TRIM62: variants seen among roughly 807,000 people sequenced by gnomAD.
TRIM62 encodes the protein tripartite motif containing 62, also known as E3 ubiquitin-protein ligase TRIM62.
TRIM62 carries 39 observed loss-of-function variants against 44.2 expected under a neutral mutation model. The ratio of observed to expected loss-of-function variants is 0.88; its 90% CI spans 0.68 to 1.15. TRIM62 has a LOEUF of 1.15. TRIM62 is among the 50% of genes most tolerant of loss of function. TRIM62 has a pLI of 0.00. For synonymous variants in TRIM62, 278 were observed against 292.3 expected (o/e 0.95, Z 0.50); for missense variants, 544 against 665.5 (o/e 0.82, Z 2.01).
At chr1:33,160,067 G>T (rs1645243592) in intron 2 of TRIM62, 123 bp from the exon 3 acceptor site, 2 of 1,264,052 alleles carry the variant, frequency 1.6e-6, no homozygotes, top group Non-Finnish European at 2.2e-6. Flanking sequence ...CACGCGTGGT[G>T]GGGGAAATGT....
Position 33,148,455 on chromosome 1 carries a change from GA to G in TRIM62, c.878-729del, listed in dbSNP as rs1168887080. On this transcript the variant is annotated intron_variant, in intron 4 of 4. Coordinates refer to ENST00000291416, the MANE Select transcript of TRIM62 (RefSeq NM_018207.3). ...TCCCTAAGAACTGTTTGCTTTGTTGGAAAATACATCCCTAAGGGCAACACCA... is the reference window on the plus strand; with the variant it reads ...TCCCTAAGAACTGTTTGCTTTGTTGGAAATACATCCCTAAGGGCAACACCA... Among the ~76,000 whole-genome samples the G allele has an allele frequency of 2.0e-5, 3 of 152,174 alleles. No individual in the cohort carries two copies. The East Asian group carries it at 5.8e-4, about 29-fold the overall frequency.
intron 4 of TRIM62, among the ~76,000 whole-genome samples, chr1:33,156,257 A>T (rs1358482132): frequency 6.6e-6 from 1 of 152,200 alleles, no homozygotes; most frequent in Non-Finnish European, 1.5e-5. Context: ...CAGCACTGCC[A>T]CACTCTCTCT....
rs751643007 is a variant in TRIM62 at position 33,147,498 on chromosome 1, G to C, written c.1107C>G (p.His369Gln). The C allele has an allele frequency of 1.2e-6, 2 of 1,613,008 alleles. No homozygotes were observed. The highest frequency in any genetic ancestry group is 1.7e-6 in the Non-Finnish European group (2 of 1,179,846). The change falls in exon 5 of 5, where the codon CAC becomes CAG. Residue 369 changes from histidine (H) to glutamine (Q), a missense_variant. Coordinates refer to ENST00000291416, the MANE Select transcript of TRIM62 (RefSeq NM_018207.3). The surrounding 1 kb of genome is among the most constrained non-coding windows in gnomAD (Gnocchi z 8.1). The stretch of plus-strand genomic sequence containing the variant: ...TGCTGCCCTTGCGGCTTGCGGCTTC[G>C]TGTGCCAGCCCGATCACCCACTGGG... ...EKTQWVIGLA[H>Q]EAASRKGSIQ...
rs115222802 is a variant in TRIM62 at position 33,158,302 on chromosome 1, G to C, written c.828C>G (p.Gly276=). 3.1e-6 allele frequency: 5 copies of C among 1,614,082 alleles called. No individual in the cohort carries two copies. The highest frequency in any genetic ancestry group is 4.2e-6 in the Non-Finnish European group (5 of 1,179,934). Residue 276 remains glycine, a synonymous_variant, in exon 4 of 5, where the codon GGC becomes GGG. Transcript: ENST00000291416. ...YEDFPTSKYT[G]PLQYTIWKSL... is the part of the protein sequence containing the mutation. ...ACTTCCAGATGGTGTACTGCAGGGG[G>C]CCTGTGTACTTGGAGGTCGGGAAGT...
rs1275220550 is a variant in TRIM62, at chr1:33,177,280, A to C, written c.408+3745T>G. On this transcript the variant is annotated intron_variant, in intron 1 of 4. Coordinates refer to ENST00000291416, the MANE Select transcript of TRIM62 (RefSeq NM_018207.3). This position sits in a 1 kb window ranked among gnomAD's most constrained non-coding sequence, Gnocchi z 4.1. ...TTATGTTAATTTTATAATCAGAATA[A>C]AGACATTTAAAAATAGTTTTGGGGT... Among the ~76,000 whole-genome samples, 2 of 152,208 alleles carry C rather than the reference A, an allele frequency of 1.3e-5. No individual in the cohort carries two copies. The highest frequency in any genetic ancestry group is 2.9e-5 in the Non-Finnish European group (2 of 68,038).
rs993911419 is a variant in TRIM62 at position 33,159,355 on chromosome 1, A to G, written c.761+333T>C. Among the ~76,000 whole-genome samples, 2 of 152,178 alleles carry G rather than the reference A, an allele frequency of 1.3e-5. No individual in the cohort carries two copies. The highest frequency in any genetic ancestry group is 2.9e-5 in the Non-Finnish European group (2 of 68,034). On this transcript the variant is annotated intron_variant, in intron 3 of 4. Transcript: ENST00000291416. This position sits in a 1 kb window ranked among gnomAD's most constrained non-coding sequence, Gnocchi z 4.2. ...CTATAATGTATACAGAATATATTAC[A>G]TATATAATAATGTAAATATATGAAG...
At position 33,181,448 on chromosome 1, in the gene TRIM62, A is replaced by G; in HGVS notation, c.-16T>C. ...TGCACGCCATGGCGCCAGGGGCAGC[A>G]GAGAGGGGGGCCCGAGGGGCAGGGG... On this transcript the variant is annotated 5_prime_UTR_variant, in exon 1 of 5. Transcript: ENST00000291416. This position sits in a 1 kb window ranked among gnomAD's most constrained non-coding sequence, Gnocchi z 6.5. 6.3e-7 allele frequency: 1 copy of G among 1,581,642 alleles called. No homozygotes were observed. Among genetic ancestry groups the G allele is most frequent in the Non-Finnish European group, 8.5e-7 (1 of 1,170,444 alleles).
chr1:33,172,221 T>C (rs1645380181), intron 1 of TRIM62, among the ~76,000 whole-genome samples: 2 of 152,334 alleles, frequency 1.3e-5, no homozygotes, highest in South Asian at 2.1e-4. Flanking sequence ...AGTAACTATA[T>C]GTAAAGTTGG....
rs1645317085 is a variant in TRIM62, at chr1:33,165,347, G to C, written c.504+124C>G. 1.2e-6 allele frequency: 1 copy of C among 860,766 alleles called. No homozygotes were observed. Among genetic ancestry groups the C allele is most frequent in the Non-Finnish European group, 1.8e-6 (1 of 571,212 alleles). 53.3% of individuals were successfully genotyped at this position (860,766 alleles called of 1,614,324 possible). A position where few individuals can be genotyped will look rare whatever the true frequency, so the allele number is the denominator to read the frequency against. The stretch of plus-strand genomic sequence containing the variant: ...CCCTGCCCTTCTCACTCCAGGTTTG[G>C]CTCCTTGAAGCCAGGTTTCCACCGC... On this transcript the variant is annotated intron_variant, in intron 2 of 4. Coordinates refer to ENST00000291416, the MANE Select transcript of TRIM62 (RefSeq NM_018207.3). The surrounding 1 kb of genome is among the most constrained non-coding windows in gnomAD (Gnocchi z 4.0).
Position 33,181,302 on chromosome 1 carries a change from G to C in TRIM62, c.131C>G (p.Ala44Gly). The C allele has an allele frequency of 6.4e-7, 1 of 1,555,638 alleles. No homozygotes were observed. The highest frequency in any genetic ancestry group is 1.2e-5 in the South Asian group (1 of 85,670). ...CITEHWVRQE[A>G]QGARDCPECR... ...CTCGGGGCAGTCGCGGGCGCCCTGC[G>C]CCTCCTGCCGCACCCAGTGCTCCGT... Residue 44 changes from alanine to glycine, a missense_variant, in exon 1 of 5, where the codon GCG becomes GGG. Ala to Gly is a moderately conservative substitution (Grantham distance 60, BLOSUM62 0). Transcript: ENST00000291416. The surrounding 1 kb of genome is among the most constrained non-coding windows in gnomAD (Gnocchi z 6.5).
At position 33,181,211 on chromosome 1, in the gene TRIM62, G is replaced by T; in HGVS notation, c.222C>A (p.Arg74=). 1 of 1,581,250 alleles carries T rather than the reference G, an allele frequency of 6.3e-7. No homozygotes were observed. The change falls in exon 1 of 5, where the codon CGC becomes CGA. Residue 74 remains arginine, a synonymous_variant. Coordinates refer to ENST00000291416, the MANE Select transcript of TRIM62 (RefSeq NM_018207.3). The surrounding 1 kb of genome is among the most constrained non-coding windows in gnomAD (Gnocchi z 6.5). ...PSLKLANIVE[R]YSSFPLDAIL... is the part of the protein sequence containing the mutation. The stretch of plus-strand genomic sequence containing the variant: ...TGGCGTCCAGCGGGAAGGAGCTGTA[G>T]CGCTCCACGATGTTGGCCAGCTTGA...
intron 1 of TRIM62, among the ~76,000 whole-genome samples, chr1:33,170,188 G>A (rs985552572): frequency 6.6e-6 from 1 of 151,926 alleles, no homozygotes; most frequent in African/African-American, 2.4e-5. Context: ...AAATTAGCCA[G>A]GCATGGTGGT....
At chr1:33,175,332 G>A (rs1431299737) in intron 1 of TRIM62, among the ~76,000 whole-genome samples, 2 of 151,958 alleles carry the variant, frequency 1.3e-5, no homozygotes, top group African/African-American at 4.8e-5. Context: ...GTGGGCCACT[G>A]CGCCCAGCCC....
Position 33,167,368 on chromosome 1 carries a change from G to T in TRIM62, c.409-1802C>A, listed in dbSNP as rs1031505189. ...GCTTGTTCCCTGCCTTATGCCCAGG[G>T]ACTCAGTGATTATTTGTCAAGTGAT... On this transcript the variant is annotated intron_variant, in intron 1 of 4. Coordinates refer to ENST00000291416, the MANE Select transcript of TRIM62 (RefSeq NM_018207.3). The surrounding 1 kb of genome is among the most constrained non-coding windows in gnomAD (Gnocchi z 4.2). 5.3e-5 allele frequency among the ~76,000 whole-genome samples: 8 copies of T among 152,192 alleles called. No individual in the cohort carries two copies.
rs1329575751 is a variant in TRIM62, at chr1:33,165,435, CT to C, written c.504+35del. 6.5e-7 allele frequency: 1 copy of C among 1,537,070 alleles called. No homozygotes were observed. Among genetic ancestry groups the C allele is most frequent in the East Asian group, 2.4e-5 (1 of 41,074 alleles). The stretch of plus-strand genomic sequence containing the variant: ...GCCCCTCGAAGCCCTGCCCTCATCT[CT>C]GCCGGCCCCACCTCCGCGCCCCGGC... On this transcript the variant is annotated intron_variant, in intron 2 of 4. Coordinates refer to ENST00000291416, the MANE Select transcript of TRIM62 (RefSeq NM_018207.3). The surrounding 1 kb of genome is among the most constrained non-coding windows in gnomAD (Gnocchi z 4.0).
At chr1:33,171,402 T>A (rs1645373964) in intron 1 of TRIM62, among the ~76,000 whole-genome samples, 2 of 152,120 alleles carry the variant, frequency 1.3e-5, no homozygotes, top group African/African-American at 4.8e-5. Flanking sequence ...AGGGGGAAAT[T>A]GAGGCTCAGT....
At chr1:33,173,526 C>A (rs1226999718) in intron 1 of TRIM62, among the ~76,000 whole-genome samples, 1 of 152,136 alleles carries the variant, frequency 6.6e-6, no homozygotes, top group African/African-American at 2.4e-5. Context: ...CTTACCTCCT[C>A]CTGCCACACC....
At chr1:33,148,474 C>T (rs1645050207) in intron 4 of TRIM62, among the ~76,000 whole-genome samples, 1 of 152,128 alleles carries the variant, frequency 6.6e-6, no homozygotes, top group South Asian at 2.1e-4. Context: ...TCCCTAAGGG[C>T]AACACCACTG....
At chr1:33,175,610 G>A (rs1645413202) in intron 1 of TRIM62, among the ~76,000 whole-genome samples, 1 of 152,146 alleles carries the variant, frequency 6.6e-6, no homozygotes. Flanking sequence ...TTGGGAAGGA[G>A]GGTGAATTCT....
Sources: allele counts gnomAD v4.1 joint callset (sites outside exome capture counted in the v4.1 genomes callset), GRCh38; gene constraint gnomAD v4.1.1; non-coding constraint Gnocchi (gnomAD v3.1); transcripts MANE v1.5; gene names NCBI Gene and HGNC (gene_info 2026-07-23, HGNC 2026-07-21).